Variants in SH3BGRL observed in about 807,000 individuals in gnomAD.
SH3BGRL encodes SH3 domain binding glutamate rich protein like.
In SH3BGRL, 7 loss-of-function variants were observed where a neutral mutation model predicts 9.8. The ratio of observed to expected loss-of-function variants is 0.72; its 90% CI spans 0.41 to 1.35. SH3BGRL has a LOEUF of 1.35. SH3BGRL is among the 40% of genes most tolerant of loss of function. SH3BGRL has a pLI of 0.01. For synonymous variants in SH3BGRL, 36 were observed against 29.1 expected (o/e 1.24, Z -0.76); for missense variants, 73 against 84.4 (o/e 0.86, Z 0.53).
chrX:81,249,108 G>GAAAACAAAACAAAAC (rs753871575), intron 1 of SH3BGRL, among the ~76,000 whole-genome samples: 1 of 110,780 alleles, frequency 9.0e-6, no homozygotes, highest in Non-Finnish European at 1.9e-5. Flanking sequence ...GCTGTCTTGG[G>GAAAACAAAACAAAAC]AAAACAAAAC....
chrX:81,203,447 AC>A (rs750317421), intron 1 of SH3BGRL, among the ~76,000 whole-genome samples: 59 of 112,069 alleles, frequency 5.3e-4, no homozygotes, highest in South Asian at 1.5e-3. Flanking sequence ...ATTTAATCTT[AC>A]ATTTTTTGAA....
rs113149623 is a variant in SH3BGRL at position 81,202,401 on chromosome X, G to A, written c.45+156G>A. 7 of 997,088 alleles carry A rather than the reference G, an allele frequency of 7.0e-6. No individual in the cohort carries two copies. In the African/African-American group the frequency reaches 8.4e-5, roughly 12 times the overall value. The allele number at this position is 997,088 out of a possible 1,213,427, so 82.2% of individuals were successfully genotyped here. On this transcript the variant is annotated intron_variant, in intron 1 of 3. Transcript: ENST00000373212. ...CCTTCTTCTTCCCTTTTTTCCCTTT[G>A]TTGCATCGATTTCATTTTTTTTTTT...
At chrX:81,255,136 C>G (rs778887999) in intron 1 of SH3BGRL, among the ~76,000 whole-genome samples, 1 of 111,237 alleles carries the variant, frequency 9.0e-6, no homozygotes, top group African/African-American at 3.3e-5. Flanking sequence ...GGTCCGCCCC[C>G]CTCAGCCTCC....
At chrX:81,233,799 A>G (rs1427041570) in intron 1 of SH3BGRL, among the ~76,000 whole-genome samples, 1 of 111,596 alleles carries the variant, frequency 9.0e-6, no homozygotes, top group Non-Finnish European at 1.9e-5. Context: ...TAGAGCCAGG[A>G]TCCGTATCCA....
intron 1 of SH3BGRL, among the ~76,000 whole-genome samples, chrX:81,226,494 A>C (rs1203725949): frequency 9.6e-6 from 1 of 103,973 alleles, no homozygotes; most frequent in Non-Finnish European, 2.0e-5. Flanking sequence ...ATATATTTAT[A>C]TATATATATA....
At chrX:81,288,616 G>T (rs1230595326) in intron 3 of SH3BGRL, among the ~76,000 whole-genome samples, 1 of 111,950 alleles carries the variant, frequency 8.9e-6, no homozygotes, top group African/African-American at 3.2e-5. Context: ...AACATACAAA[G>T]TCAGTAGCAT....
At chrX:81,283,281 A>G (rs146562243) in intron 3 of SH3BGRL, among the ~76,000 whole-genome samples, 89 of 111,881 alleles carry the variant, frequency 8.0e-4, no homozygotes, top group African/African-American at 2.8e-3. Flanking sequence ...CTATTCCACA[A>G]GATAATGAAA....
intron 1 of SH3BGRL, among the ~76,000 whole-genome samples, chrX:81,214,463 A>G (rs2075575267): frequency 8.9e-6 from 1 of 111,896 alleles, no homozygotes; most frequent in Non-Finnish European, 1.9e-5. Context: ...TTTTTCCTAG[A>G]AAAATCCTGT....
chrX:81,254,522 A>T (rs1185446765), intron 1 of SH3BGRL, among the ~76,000 whole-genome samples: 1 of 112,178 alleles, frequency 8.9e-6, no homozygotes, highest in African/African-American at 3.2e-5. Context: ...TTTCTTTTGT[A>T]ATGAAATCTT....
At chrX:81,249,736 G>A (rs762437374) in intron 1 of SH3BGRL, among the ~76,000 whole-genome samples, 28 of 111,866 alleles carry the variant, frequency 2.5e-4, no homozygotes, top group Non-Finnish European at 4.5e-4. Context: ...GTGTTTTTGT[G>A]AAAAAGCTAA....
intron 1 of SH3BGRL, among the ~76,000 whole-genome samples, chrX:81,249,378 C>A (rs1372613794): frequency 8.9e-6 from 1 of 111,880 alleles, no homozygotes; most frequent in Non-Finnish European, 1.9e-5. Context: ...TCTTTCAGAC[C>A]TAGATTAAAC....
In SH3BGRL at chrX:81,202,231, T is replaced by C; in HGVS notation, c.31T>C (p.Ser11Pro). The C allele has an allele frequency of 8.3e-7, 1 of 1,208,264 alleles. No homozygotes were observed. Among genetic ancestry groups the C allele is most frequent in the Admixed American group, 2.2e-5 (1 of 45,803 alleles). ...GATCCGTGTATATATTGCATCTTCC[T>C]CTGGCTCTACAGCGGTAAGGAGAGT... is the stretch of plus-strand genomic sequence containing the variant. MVIRVYIASSSGSTAIKKKQQ... is the reference protein window; with the variant it reads MVIRVYIASSPGSTAIKKKQQ... The change falls in exon 1 of 4, where the codon TCT becomes CCT. Residue 11 changes from serine to proline, a missense_variant. By Grantham distance (74) the Ser-to-Pro change is moderately conservative (BLOSUM62 -1). Transcript: ENST00000373212.
At chrX:81,286,267 A>G (rs2075833564) in intron 3 of SH3BGRL, among the ~76,000 whole-genome samples, 1 of 110,705 alleles carries the variant, frequency 9.0e-6, no homozygotes, top group African/African-American at 3.3e-5. Context: ...AAACGACTCT[A>G]TTGGCAAAGG....
At chrX:81,202,286 C>T (rs1424655194) in intron 1 of SH3BGRL, 41 bp downstream of exon 1, 3 of 1,147,138 alleles carry the variant, frequency 2.6e-6, no homozygotes, top group Non-Finnish European at 3.5e-6. Flanking sequence ...TTTTCCTACA[C>T]ACCAGTCCTC....
chrX:81,211,245 A>G (rs777590811), intron 1 of SH3BGRL, among the ~76,000 whole-genome samples: 1 of 111,765 alleles, frequency 8.9e-6, no homozygotes, highest in Non-Finnish European at 1.9e-5. Flanking sequence ...TGAGGGATAC[A>G]AAGTATTAAT....
chrX:81,267,257 G>A (rs1424092789), intron 1 of SH3BGRL, among the ~76,000 whole-genome samples: 1 of 111,878 alleles, frequency 8.9e-6, no homozygotes, highest in Non-Finnish European at 1.9e-5. Flanking sequence ...AATAGGAGTG[G>A]TGAGAAAAGG....
chrX:81,252,172 A>G (rs1488081715), intron 1 of SH3BGRL, among the ~76,000 whole-genome samples: 1 of 112,174 alleles, frequency 8.9e-6, no homozygotes. Context: ...ACCAATAAAC[A>G]AAGAAACATT....
chrX:81,241,896 G>T (rs2075671218), intron 1 of SH3BGRL, among the ~76,000 whole-genome samples: 1 of 112,229 alleles, frequency 8.9e-6, no homozygotes, highest in South Asian at 3.7e-4. Context: ...CCAGTGCCTG[G>T]AGCTGCCTGC....
intron 1 of SH3BGRL, among the ~76,000 whole-genome samples, chrX:81,276,472 T>C (rs764997572): frequency 2.7e-5 from 3 of 111,158 alleles, no homozygotes; most frequent in Non-Finnish European, 5.7e-5. Context: ...TATATTCTTG[T>C]TCAGTTTCTG....
Sources: allele counts gnomAD v4.1 joint callset (sites outside exome capture counted in the v4.1 genomes callset), GRCh38; gene constraint gnomAD v4.1.1; transcripts MANE v1.5; gene names NCBI Gene and HGNC (gene_info 2026-07-23, HGNC 2026-07-21).